Variants in MED12L observed in about 807,000 individuals in gnomAD.
The protein encoded by MED12L is mediator complex subunit 12L, also known as mediator of RNA polymerase II transcription subunit 12-like protein.
In MED12L, 60 loss-of-function variants were observed where a neutral mutation model predicts 281.3. The observed-to-expected ratio is 0.21, with a 90% CI of 0.17 to 0.26. MED12L has a LOEUF of 0.26. Among genes scored for constraint, MED12L ranks in the 10% least tolerant of loss-of-function variants. The pLI, the probability that MED12L is intolerant of heterozygous loss-of-function variation, is 1.00. For missense variants in MED12L, 2,146 were observed against 2,680.9 expected (o/e 0.80, Z 4.41); for synonymous variants, 974 against 987.2 (o/e 0.99, Z 0.25).
intron 16 of MED12L, among the ~76,000 whole-genome samples, chr3:151,233,504 C>T (rs1732116783): frequency 6.6e-6 from 1 of 152,230 alleles, no homozygotes; most frequent in African/African-American, 2.4e-5. Flanking sequence ...GAGGCCGAGG[C>T]TGGCGGGTCA....
chr3:151,091,021 A>G (rs1576703729), intron 2 of MED12L, among the ~76,000 whole-genome samples: 1 of 152,304 alleles, frequency 6.6e-6, no homozygotes, highest in African/African-American at 2.4e-5. Flanking sequence ...AGCCTGGGGG[A>G]CAGAGCAAGA....
chr3:151,293,274 G>C (rs1312673019), intron 16 of MED12L, among the ~76,000 whole-genome samples: 1 of 152,166 alleles, frequency 6.6e-6, no homozygotes, highest in Non-Finnish European at 1.5e-5. Flanking sequence ...GACTCTAAAT[G>C]AAGTATTGTA....
At chr3:151,363,736 G>C (rs1365693500) in intron 21 of MED12L, among the ~76,000 whole-genome samples, 1 of 152,140 alleles carries the variant, frequency 6.6e-6, no homozygotes, top group African/African-American at 2.4e-5. Flanking sequence ...CTTGGCACTT[G>C]ATTTATGTGG....
chr3:151,294,525 T>G lies in MED12L; in HGVS notation c.2251-55534T>G, dbSNP rs751169605. On this transcript the variant is annotated intron_variant, in intron 16 of 44. Transcript: ENST00000687756. ...TTTCGCTTTCGGCTTGACTGACTTA[T>G]GAATTGCCTGCTGGATTTGTGGATG... 10 of 1,614,060 alleles carry G rather than the reference T, an allele frequency of 6.2e-6. No homozygotes were observed. The highest frequency in any genetic ancestry group is 8.5e-6 in the Non-Finnish European group (10 of 1,180,046).
rs557742946 is a variant in MED12L at position 151,365,097 on chromosome 3, A to G, written c.3076A>G (p.Ile1026Val). The change falls in exon 22 of 45, where the codon ATC (isoleucine) becomes GTC (valine). Residue 1026 changes from isoleucine to valine, a missense_variant. Around this residue, in one of 9 missense-constraint regions of MED12L, gnomAD observed 404 missense variants for 603.5 expected, o/e 0.67. Transcript: ENST00000687756. The part of the protein sequence containing the change: ...DFIENPSARS[I>V]NYSMLGKILS... ...TATTGAGAATCCCTCAGCCCGCAGC[A>G]TCAACTACTCAATGCTGGGCAAGAT... 5.0e-6 allele frequency: 8 copies of G among 1,614,140 alleles called. No homozygotes were observed. The highest frequency in any genetic ancestry group is 6.8e-6 in the Non-Finnish European group (8 of 1,179,968).
intron 16 of MED12L, among the ~76,000 whole-genome samples, chr3:151,276,073 T>C (rs540720176): frequency 6.6e-6 from 1 of 152,316 alleles, no homozygotes; most frequent in African/African-American, 2.4e-5. Context: ...AAGGACACTT[T>C]TGAGATAGAA....
intron 16 of MED12L, among the ~76,000 whole-genome samples, chr3:151,242,261 C>T (rs189542312): frequency 0.01 from 1,543 of 152,334 alleles, 33 homozygotes; most frequent in Admixed American, 0.057. Context: ...TCAAACTGGG[C>T]GGAGCCCACC....
At chr3:151,166,661 C>T (rs925115730) in intron 11 of MED12L, among the ~76,000 whole-genome samples, 17 of 151,406 alleles carry the variant, frequency 1.1e-4, no homozygotes, top group Non-Finnish European at 1.9e-4. Context: ...ATTCTTTCTT[C>T]CTCTGGGGAC....
chr3:151,269,831 CA>C, intron 16 of MED12L: 1 of 439,330 alleles, frequency 2.3e-6, no homozygotes, highest in South Asian at 1.7e-5. Context: ...ACGTTCCAGT[CA>C]AACGCAGAGT....
intron 16 of MED12L, among the ~76,000 whole-genome samples, chr3:151,293,863 A>T (rs780926742): frequency 2.0e-5 from 3 of 152,126 alleles, no homozygotes; most frequent in Non-Finnish European, 4.4e-5. Context: ...GTTCTCTGCA[A>T]AAGTGGCTTC....
At chr3:151,314,424 T>G (rs1206002948) in intron 16 of MED12L, among the ~76,000 whole-genome samples, 1 of 152,168 alleles carries the variant, frequency 6.6e-6, no homozygotes, top group African/African-American at 2.4e-5. Context: ...GTGCATCTCA[T>G]CTAGTTTTTA....
intron 4 of MED12L, among the ~76,000 whole-genome samples, chr3:151,124,947 C>T (rs953366669): frequency 2.6e-5 from 4 of 152,202 alleles, no homozygotes; most frequent in African/African-American, 9.7e-5. Flanking sequence ...GCTTAGCAAA[C>T]AGAGGATGCA....
intron 38 of MED12L, 26 bp from the exon 39 acceptor site, chr3:151,394,630 G>A (rs1714719048): frequency 1.9e-6 from 3 of 1,612,460 alleles, no homozygotes; most frequent in Non-Finnish European, 2.5e-6. Flanking sequence ...TAGTTAGAAA[G>A]TGTTTCCTTT....
intron 16 of MED12L, among the ~76,000 whole-genome samples, chr3:151,227,064 G>T (rs1345533593): frequency 3.9e-5 from 6 of 152,194 alleles, no homozygotes; most frequent in Non-Finnish European, 7.3e-5. Context: ...GTGAGCTCAA[G>T]ATCAGGTCAC....
intron 14 of MED12L, among the ~76,000 whole-genome samples, chr3:151,191,241 T>C (rs1410393942): frequency 6.6e-6 from 1 of 152,208 alleles, no homozygotes; most frequent in East Asian, 1.9e-4. Flanking sequence ...TTCTTTAACA[T>C]TGTGTCTCAA....
intron 39 of MED12L, among the ~76,000 whole-genome samples, 179 bp downstream of exon 39, chr3:151,395,046 TATC>T (rs1714783300): frequency 6.6e-6 from 1 of 152,350 alleles, no homozygotes; most frequent in African/African-American, 2.4e-5. Context: ...ACTTTACTGT[TATC>T]ATTGCTCAAA....
intron 16 of MED12L, among the ~76,000 whole-genome samples, chr3:151,241,206 T>C (rs908593874): frequency 6.6e-6 from 1 of 152,222 alleles, no homozygotes; most frequent in African/African-American, 2.4e-5. Flanking sequence ...AGACTATATC[T>C]CTTTAGTTGG....
chr3:151,141,201 G>GTTTTTTTTTTTTTTTTTTTTTTTT (rs1716973453), intron 5 of MED12L, among the ~76,000 whole-genome samples: 2 of 58,346 alleles, frequency 3.4e-5, no homozygotes, highest in South Asian at 1.1e-3. Context: ...TTTTTTTTTT[G>GTTTTTTTTTTTTTTTTTTTTTTTT]TTAGTAGAGA....
intron 16 of MED12L, among the ~76,000 whole-genome samples, chr3:151,258,139 T>A (rs1185932638): frequency 6.6e-6 from 1 of 152,124 alleles, no homozygotes; most frequent in Non-Finnish European, 1.5e-5. Context: ...CTGGGATTCA[T>A]TTTCTTCCAC....
Sources: gnomAD v4.1 joint callset for allele counts (sites outside exome capture counted in the v4.1 genomes callset) on GRCh38, gnomAD v4.1.1 for gene constraint, gnomAD v4.1.1 regional missense constraint, MANE v1.5 for transcripts, NCBI Gene and HGNC (gene_info 2026-07-23, HGNC 2026-07-21) for gene names.